The following MYO16 variants were observed in gnomAD, a reference collection of about 807,000 sequenced individuals.
MYO16 encodes the protein unconventional myosin-XVI.
Under a neutral mutation model 205.3 loss-of-function variants are expected in MYO16, and 94 were observed. The ratio of observed to expected loss-of-function variants is 0.46; its 90% confidence interval spans 0.39 to 0.54. MYO16 has a LOEUF of 0.54. MYO16 is among the 20% of genes least tolerant of loss of function. The pLI is 0.00. For synonymous variants in MYO16, 988 were observed against 954.0 expected (o/e 1.04, Z -0.66); for missense variants, 2,315 against 2,387.5 (o/e 0.97, Z 0.63).
At chr13:108,884,610 A>C (rs1018749925) in intron 13 of MYO16, among the ~76,000 whole-genome samples, 11 of 152,148 alleles carry the variant, frequency 7.2e-5, no homozygotes, top group South Asian at 2.1e-4. Flanking sequence ...TCTAGACACA[A>C]GGATGAGAAG....
chr13:108,827,221 T>C (rs77747042), intron 9 of MYO16, among the ~76,000 whole-genome samples: 1,930 of 152,310 alleles, frequency 0.013, 24 homozygotes, highest in Middle Eastern at 0.068. Flanking sequence ...CAGCTTCCTA[T>C]TCCTTTGCAT....
the MYO16 span, among the ~76,000 whole-genome samples, chr13:108,548,936 G>T: frequency 6.6e-6 from 1 of 152,066 alleles, no homozygotes; most frequent in Admixed American, 6.6e-5. Context: ...GGGGAGGATG[G>T]ATAGATATAT....
At chr13:108,978,920 T>C (rs1332978212) in intron 20 of MYO16, among the ~76,000 whole-genome samples, 1 of 152,028 alleles carries the variant, frequency 6.6e-6, no homozygotes, top group Non-Finnish European at 1.5e-5. Flanking sequence ...ATATATTTTC[T>C]GGAATTTCAT....
intron 9 of MYO16, among the ~76,000 whole-genome samples, chr13:108,842,919 C>G (rs1407319412): frequency 6.6e-6 from 1 of 151,978 alleles, no homozygotes; most frequent in East Asian, 1.9e-4. Flanking sequence ...TATTCAGCTA[C>G]CAAAAAATAA....
At chr13:109,018,562 C>T (rs545030556) in intron 22 of MYO16, among the ~76,000 whole-genome samples, 23 of 152,196 alleles carry the variant, frequency 1.5e-4, no homozygotes, top group African/African-American at 5.1e-4. Context: ...AAGTTTCTGC[C>T]GCCTTGCAGT....
chr13:108,520,438 G>T, the MYO16 span, among the ~76,000 whole-genome samples: 1 of 152,096 alleles, frequency 6.6e-6, no homozygotes, highest in African/African-American at 2.4e-5. Context: ...CTGGTTTTTA[G>T]ATATTAGAGA....
chr13:108,536,866 G>A, the MYO16 span, among the ~76,000 whole-genome samples: 29 of 152,120 alleles, frequency 1.9e-4, no homozygotes, highest in Middle Eastern at 3.4e-3. Context: ...CTAAGGAGAC[G>A]GAACAGGATA....
chr13:109,019,967 G>C, intron 23 of MYO16, 56 bp downstream of exon 23: 2 of 1,540,992 alleles, frequency 1.3e-6, no homozygotes, highest in Non-Finnish European at 1.8e-6. Flanking sequence ...AAGGTCCTTG[G>C]GACAAGCTCT....
intron 29 of MYO16, among the ~76,000 whole-genome samples, chr13:109,124,623 A>G (rs1238902669): frequency 6.6e-6 from 1 of 152,194 alleles, no homozygotes; most frequent in Middle Eastern, 3.2e-3. Context: ...TTTATACACA[A>G]TCTTTTTCCA....
intron 25 of MYO16, among the ~76,000 whole-genome samples, chr13:109,053,492 G>A (rs1410409439): frequency 1.3e-5 from 2 of 151,586 alleles, no homozygotes; most frequent in South Asian, 2.1e-4. Flanking sequence ...TCTATGACTG[G>A]AGGTCTTCCT....
chr13:108,718,695 C>T (rs1884044538), intron 3 of MYO16, among the ~76,000 whole-genome samples: 1 of 152,056 alleles, frequency 6.6e-6, no homozygotes, highest in South Asian at 2.1e-4. Flanking sequence ...CTTCACATAA[C>T]CCCAGGGGTG....
At chr13:108,735,255 C>CTCCT (rs1417224534) in intron 4 of MYO16, among the ~76,000 whole-genome samples, 2 of 145,078 alleles carry the variant, frequency 1.4e-5, no homozygotes, top group African/African-American at 5.4e-5. Flanking sequence ...AATGCTATCC[C>CTCCT]CCCTCCCGCC....
intron 1 of MYO16, among the ~76,000 whole-genome samples, chr13:108,601,502 G>A (rs921348664): frequency 2.0e-5 from 3 of 152,044 alleles, no homozygotes; most frequent in Non-Finnish European, 2.9e-5. Flanking sequence ...TCTAAAATCC[G>A]ATTGGGGACT....
chr13:108,633,347 G>T (rs1434039126), intron 1 of MYO16, among the ~76,000 whole-genome samples: 1 of 152,184 alleles, frequency 6.6e-6, no homozygotes, highest in Non-Finnish European at 1.5e-5. Context: ...AATATCAAAA[G>T]TAGGAAAGCT....
intron 2 of MYO16, among the ~76,000 whole-genome samples, chr13:108,707,761 C>G (rs1175329616): frequency 6.6e-6 from 1 of 152,144 alleles, no homozygotes; most frequent in Non-Finnish European, 1.5e-5. Flanking sequence ...AAAATCTTAG[C>G]AGTTTTTCTC....
At chr13:108,827,246 G>GT (rs573599321) in intron 9 of MYO16, among the ~76,000 whole-genome samples, 25 of 151,412 alleles carry the variant, frequency 1.7e-4, no homozygotes, top group Admixed American at 1.2e-3. Flanking sequence ...AAGGTGATTT[G>GT]TTTTTTTTTC....
intron 11 of MYO16, among the ~76,000 whole-genome samples, chr13:108,858,494 G>T (rs898715653): frequency 6.6e-6 from 1 of 152,244 alleles, no homozygotes; most frequent in Non-Finnish European, 1.5e-5. Flanking sequence ...TGCATTTGGT[G>T]AGACTGTTGA....
chr13:109,188,647 G>T (rs1879785993), intron 34 of MYO16, among the ~76,000 whole-genome samples: 1 of 152,168 alleles, frequency 6.6e-6, no homozygotes, highest in African/African-American at 2.4e-5. Flanking sequence ...AAGCTGAGGA[G>T]CAAAGAAGCC....
chr13:109,063,660 G>A (rs772011718), intron 27 of MYO16, among the ~76,000 whole-genome samples: 17 of 152,170 alleles, frequency 1.1e-4, no homozygotes, highest in Non-Finnish European at 2.2e-4. Context: ...TCTACAGTAT[G>A]TTGTTATAGC....
Sources: gnomAD v4.1 joint callset for allele counts (sites outside exome capture counted in the v4.1 genomes callset) on GRCh38, gnomAD v4.1.1 for gene constraint, MANE v1.5 for transcripts, NCBI Gene and HGNC (gene_info 2026-07-23, HGNC 2026-07-21) for gene names.